NEXMIF: variants seen among roughly 807,000 people sequenced by gnomAD.
The protein encoded by NEXMIF is neurite extension and migration factor.
A neutral mutation model predicts 62.1 loss-of-function variants in NEXMIF; 8 were observed. The ratio of observed to expected loss-of-function variants is 0.13; its 90% CI spans 0.08 to 0.23. The LOEUF is 0.23. Ranked by LOEUF, NEXMIF falls within the 10% of genes least tolerant of loss-of-function variation. NEXMIF has a pLI of 1.00. For missense variants in NEXMIF, 976 were observed against 1,113.3 expected, an observed-to-expected ratio of 0.88 and a Z score of 1.75; for synonymous variants, 404 against 416.6, an observed-to-expected ratio of 0.97 and a Z score of 0.37.
chrX:74,742,778 C>T lies in NEXMIF; in HGVS notation c.1779G>A (p.Lys593=). 8.3e-7 allele frequency: 1 copy of T among 1,210,844 alleles called. No homozygotes were observed. The highest frequency in any genetic ancestry group is 1.8e-5 in the South Asian group (1 of 56,882). The change falls in exon 3 of 4, where the codon AAG becomes AAA. Residue 593 remains lysine, a synonymous_variant. Transcript: ENST00000055682. ...PLKGFWQKKK[K]QRNTNTDSIK... ...TGGAGTCCGTGTTGGTGTTTCTCTG[C>T]TTCTTCTTCTTTTGCCAGAAGCCTT...
chrX:74,869,272 T>C (rs1224301896), intron 1 of NEXMIF, among the ~76,000 whole-genome samples: 1 of 111,471 alleles, frequency 9.0e-6, no homozygotes, highest in African/African-American at 3.3e-5. Context: ...AAATTCAACA[T>C]ACCTTCATGA....
intron 1 of NEXMIF, among the ~76,000 whole-genome samples, chrX:74,885,396 C>T (rs1223856399): frequency 9.0e-6 from 1 of 111,186 alleles, no homozygotes; most frequent in Non-Finnish European, 1.9e-5. Flanking sequence ...TGATAGACCG[C>T]TAGCAAGAAT....
intron 1 of NEXMIF, among the ~76,000 whole-genome samples, chrX:74,778,081 C>A (rs1479268197): frequency 8.9e-6 from 1 of 111,826 alleles, no homozygotes; most frequent in African/African-American, 3.3e-5. Context: ...TTTCAACCAA[C>A]TTATAAAGAC....
intron 1 of NEXMIF, among the ~76,000 whole-genome samples, chrX:74,877,899 G>T (rs780075679): frequency 1.8e-4 from 20 of 111,085 alleles, no homozygotes; most frequent in Non-Finnish European, 3.4e-4. Flanking sequence ...CTTCTAAATT[G>T]TTTTCAAAGT....
intron 1 of NEXMIF, among the ~76,000 whole-genome samples, chrX:74,909,325 G>C (rs1234365133): frequency 8.9e-6 from 1 of 111,922 alleles, no homozygotes; most frequent in African/African-American, 3.2e-5. Context: ...GAACTTGTTA[G>C]GAACTGGAGC....
chrX:74,778,363 C>T (rs1363398401), intron 1 of NEXMIF, among the ~76,000 whole-genome samples: 1 of 111,554 alleles, frequency 9.0e-6, no homozygotes, highest in African/African-American at 3.3e-5. Context: ...ATTGTATCTC[C>T]TCTGAAAATA....
rs368483038 is a variant in NEXMIF at position 74,742,169 on chromosome X, C to T, written c.2388G>A (p.Met796Ile). The T allele has an allele frequency of 9.1e-6, 11 of 1,209,942 alleles. No homozygotes were observed. The highest frequency in any genetic ancestry group is 1.2e-5 in the Non-Finnish European group (11 of 895,202). Reference sequence around the variant, plus strand: ...TGGTAACATTAGCAGATGATAAAGGCATTTCAGAAGAGCATGTCGTTGGTA... The same window carrying T: ...TGGTAACATTAGCAGATGATAAAGGTATTTCAGAAGAGCATGTCGTTGGTA... ...TFLPTTCSSE[M>I]PLSSANVTTN... The change falls in exon 3 of 4, where the codon ATG becomes ATA. Residue 796 changes from methionine (M) to isoleucine (I), a missense_variant. Met to Ile is a conservative substitution (Grantham distance 10). Transcript: ENST00000055682.
At chrX:74,812,538 C>G (rs2080363594) in intron 1 of NEXMIF, among the ~76,000 whole-genome samples, 1 of 111,499 alleles carries the variant, frequency 9.0e-6, no homozygotes, top group Non-Finnish European at 1.9e-5. Context: ...GGCTTACTTT[C>G]TCTTCATCCA....
intron 1 of NEXMIF, among the ~76,000 whole-genome samples, chrX:74,873,585 G>A (rs1005149597): frequency 9.8e-5 from 11 of 111,744 alleles, no homozygotes; most frequent in Non-Finnish European, 2.1e-4. Flanking sequence ...CACAATGGTT[G>A]AACTAGTTTA....
chrX:74,795,102 C>T (rs1005746052), intron 1 of NEXMIF, among the ~76,000 whole-genome samples: 2 of 112,043 alleles, frequency 1.8e-5, no homozygotes, highest in Non-Finnish European at 3.8e-5. Flanking sequence ...ACCATACATA[C>T]ATACTCAACC....
chrX:74,846,051 T>A (rs1476193186), intron 1 of NEXMIF, among the ~76,000 whole-genome samples: 1 of 112,435 alleles, frequency 8.9e-6, no homozygotes, highest in Non-Finnish European at 1.9e-5. Flanking sequence ...TTAGCATCCA[T>A]TGTAATTAAT....
chrX:74,802,568 C>T (rs1362362559), intron 1 of NEXMIF, among the ~76,000 whole-genome samples: 2 of 110,473 alleles, frequency 1.8e-5, no homozygotes, highest in Non-Finnish European at 3.8e-5. Flanking sequence ...TTTTGAATAT[C>T]TCGAAAGCCT....
intron 1 of NEXMIF, among the ~76,000 whole-genome samples, chrX:74,886,427 A>C (rs965485056): frequency 1.5e-4 from 17 of 112,115 alleles, no homozygotes; most frequent in Admixed American, 8.5e-4. Context: ...AATCTCCTCA[A>C]GCTGATAAGC....
intron 1 of NEXMIF, among the ~76,000 whole-genome samples, chrX:74,792,567 C>G (rs2080288350): frequency 2.2e-5 from 2 of 91,956 alleles, no homozygotes; most frequent in Non-Finnish European, 4.3e-5. Context: ...CTAATGTTGA[C>G]AGTGGGGTGT....
intron 1 of NEXMIF, among the ~76,000 whole-genome samples, chrX:74,797,783 G>A (rs2080316820): frequency 9.0e-6 from 1 of 111,610 alleles, no homozygotes; most frequent in Non-Finnish European, 1.9e-5. Flanking sequence ...AGCTTTCCTT[G>A]GGCTTTCTTA....
intron 1 of NEXMIF, among the ~76,000 whole-genome samples, chrX:74,753,119 T>C (rs1238219604): frequency 8.9e-6 from 1 of 112,504 alleles, no homozygotes; most frequent in Non-Finnish European, 1.9e-5. Context: ...ATTTAATGCT[T>C]GAGCGCAATA....
intron 1 of NEXMIF, among the ~76,000 whole-genome samples, chrX:74,773,851 G>A (rs950165010): frequency 6.6e-5 from 6 of 90,645 alleles, no homozygotes; most frequent in Non-Finnish European, 1.2e-4. Context: ...AGAGGTTGCA[G>A]TGAGCTGAGA....
intron 1 of NEXMIF, among the ~76,000 whole-genome samples, chrX:74,874,912 C>G (rs1202705500): frequency 1.8e-5 from 2 of 108,813 alleles, no homozygotes; most frequent in East Asian, 3.0e-4. Flanking sequence ...ATGGGGTTTT[C>G]TAGATATACA....
chrX:74,806,351 C>T (rs764593725), intron 1 of NEXMIF, among the ~76,000 whole-genome samples: 2 of 110,982 alleles, frequency 1.8e-5, no homozygotes, highest in South Asian at 7.6e-4. Context: ...CAAGTGTATC[C>T]CAAACCTCAG....
Sources: gnomAD v4.1 joint callset for allele counts (sites outside exome capture counted in the v4.1 genomes callset) on GRCh38, gnomAD v4.1.1 for gene constraint, MANE v1.5 for transcripts, NCBI Gene and HGNC (gene_info 2026-07-23, HGNC 2026-07-21) for gene names.